NUDCD1: variants seen among roughly 807,000 people sequenced by gnomAD.
The protein encoded by NUDCD1 is nudC domain-containing protein 1.
NUDCD1 carries 60 observed loss-of-function variants against 67.8 expected under a neutral mutation model. The ratio of observed to expected loss-of-function variants is 0.88; its 90% CI spans 0.72 to 1.10. The LOEUF is 1.10. Ranked by LOEUF, NUDCD1 falls within the 50% of genes least tolerant of loss-of-function variation. The probability of loss-of-function intolerance (pLI) is 0.00; values close to 1 mark genes in which losing one functional copy is unlikely to be tolerated. For missense variants in NUDCD1, 643 were observed against 695.0 expected (o/e 0.93, Z 0.84); for synonymous variants, 244 against 230.8 (o/e 1.06, Z -0.52).
intron 8 of NUDCD1, among the ~76,000 whole-genome samples, chr8:109,259,143 G>A (rs1028029785): frequency 2.0e-5 from 3 of 152,246 alleles, no homozygotes; most frequent in African/African-American, 4.8e-5. Flanking sequence ...AGCAAATAAC[G>A]CAAATAACCT....
chr8:109,287,692 G>A (rs886329419), intron 5 of NUDCD1, among the ~76,000 whole-genome samples: 18 of 152,060 alleles, frequency 1.2e-4, no homozygotes, highest in Admixed American at 9.8e-4. Flanking sequence ...TCAGTACCTG[G>A]GTGACAGGAT....
At chr8:109,303,291 G>A (rs1815031035) in intron 2 of NUDCD1, among the ~76,000 whole-genome samples, 1 of 152,246 alleles carries the variant, frequency 6.6e-6, no homozygotes, top group East Asian at 1.9e-4. Flanking sequence ...GACTAACACT[G>A]CCCGATCGCC....
intron 2 of NUDCD1, among the ~76,000 whole-genome samples, chr8:109,317,228 T>C (rs1018077841): frequency 2.0e-5 from 3 of 152,090 alleles, no homozygotes; most frequent in Non-Finnish European, 4.4e-5. Context: ...AAAATGATAA[T>C]AGAGACCAGG....
chr8:109,287,057 T>G (rs1814591339), intron 5 of NUDCD1, among the ~76,000 whole-genome samples: 1 of 151,972 alleles, frequency 6.6e-6, no homozygotes, highest in Non-Finnish European at 1.5e-5. Context: ...ATCAGAGATT[T>G]GCACTTGCAA....
rs1023246275 is a variant in NUDCD1 at position 109,329,872 on chromosome 8, CAAT to C, written c.118+4018_118+4020del. 158 of 1,547,228 alleles carry C rather than the reference CAAT, an allele frequency of 1.0e-4. No homozygotes were observed. In the Admixed American group the frequency reaches 3.1e-3, roughly 30 times the overall value. On this transcript the variant is annotated intron_variant, in intron 1 of 9. Transcript: ENST00000239690. ...GACATGGGACCCTTCAATACAAAAT[CAAT>C]AATCTTAGCAAAGAAAACATACTGG...
In NUDCD1 at chr8:109,242,922, A is replaced by G. The variant is rs1034731949; in HGVS notation, c.*87T>C. The G allele has an allele frequency of 9.4e-5, 71 of 752,734 alleles. No homozygotes were observed. The highest frequency in any genetic ancestry group is 7.9e-4 in the African/African-American group (45 of 57,074). 46.6% of individuals were successfully genotyped at this position (752,734 alleles called of 1,614,324 possible). A position where few individuals can be genotyped will look rare whatever the true frequency, so the allele number is the denominator to read the frequency against. ...ATACAAGATATATTTAGCACATTAAAACTTAAGAGGTTACAGTATAACTGT... is the reference window on the plus strand; with the variant it reads ...ATACAAGATATATTTAGCACATTAAGACTTAAGAGGTTACAGTATAACTGT... On this transcript the variant is annotated 3_prime_UTR_variant, in exon 10 of 10. Coordinates refer to ENST00000239690, the MANE Select transcript of NUDCD1 (RefSeq NM_032869.4).
intron 9 of NUDCD1, 61 bp from the exon 10 acceptor site, chr8:109,243,362 A>T: frequency 7.6e-7 from 1 of 1,316,444 alleles, no homozygotes; most frequent in Non-Finnish European, 1.0e-6. Context: ...GGGAAAAATG[A>T]TGATTTAACA....
At chr8:109,329,726 A>G in intron 1 of NUDCD1, 1 of 1,308,806 alleles carries the variant, frequency 7.6e-7, no homozygotes, top group South Asian at 1.3e-5. Flanking sequence ...TAAGTTGTAC[A>G]TTTTAAATTT....
intron 2 of NUDCD1, chr8:109,315,647 T>A (rs761779825): frequency 7.2e-5 from 11 of 152,302 alleles, no homozygotes; most frequent in Non-Finnish European, 1.3e-4. Context: ...AATAAGGGTA[T>A]ATAAGCATCT....
intron 1 of NUDCD1, among the ~76,000 whole-genome samples, chr8:109,329,251 T>TA (rs1170067087): frequency 6.6e-6 from 1 of 152,118 alleles, no homozygotes; most frequent in Non-Finnish European, 1.5e-5. Flanking sequence ...TTCTGTGATC[T>TA]AAAAATGTGT....
At position 109,289,929 on chromosome 8, in the gene NUDCD1, A is replaced by G. The variant is rs763859888; in HGVS notation, c.645T>C (p.Asn215=). Residue 215 remains asparagine, a synonymous_variant, in exon 5 of 10, where the codon AAT becomes AAC. Coordinates refer to ENST00000239690, the MANE Select transcript of NUDCD1 (RefSeq NM_032869.4). ...WVTISKKNQD[N]KKYEIIKRDI... ...CACGCTTAATAATTTCATATTTTTT[A>G]TTATCTGTAAGAAAAGTATTTCAGA... 1.4e-6 allele frequency: 2 copies of G among 1,442,166 alleles called. No individual in the cohort carries two copies. Among genetic ancestry groups the G allele is most frequent in the South Asian group, 1.4e-5 (1 of 70,834 alleles). 89.3% of individuals were successfully genotyped at this position (1,442,166 alleles called of 1,614,324 possible).
intron 2 of NUDCD1, among the ~76,000 whole-genome samples, chr8:109,309,823 C>T (rs1177104892): frequency 6.6e-6 from 1 of 151,670 alleles, no homozygotes; most frequent in Non-Finnish European, 1.5e-5. Flanking sequence ...AGCCACCAAA[C>T]TGAGAACCAG....
chr8:109,330,469 T>G (rs1225116027), intron 1 of NUDCD1, among the ~76,000 whole-genome samples: 1 of 152,232 alleles, frequency 6.6e-6, no homozygotes, highest in Non-Finnish European at 1.5e-5. Context: ...TATGCTTCAC[T>G]ATCTCTAGAA....
intron 8 of NUDCD1, among the ~76,000 whole-genome samples, chr8:109,254,170 C>CTT (rs1813679137): frequency 1.3e-5 from 2 of 152,112 alleles, no homozygotes. Context: ...AGCTTATGAG[C>CTT]AGTGGAAACA....
At chr8:109,300,343 CAA>C (rs34987726) in intron 2 of NUDCD1, among the ~76,000 whole-genome samples, 1 of 150,714 alleles carries the variant, frequency 6.6e-6, no homozygotes, top group Non-Finnish European at 1.5e-5. Context: ...CGTAAGGAAA[CAA>C]AAAAAAATGA....
intron 8 of NUDCD1, among the ~76,000 whole-genome samples, chr8:109,254,906 T>C (rs1304714429): frequency 6.6e-6 from 1 of 152,196 alleles, no homozygotes; most frequent in Admixed American, 6.5e-5. Context: ...GAATAAATTG[T>C]AAAAATTATT....
chr8:109,275,255 T>A (rs781333720), intron 7 of NUDCD1, 97 bp downstream of exon 7: 10 of 1,202,082 alleles, frequency 8.3e-6, no homozygotes, highest in Non-Finnish European at 1.2e-5. Context: ...TCTTTTATAT[T>A]AGGAAAAGCA....
At chr8:109,317,563 T>C (rs1206849210) in intron 2 of NUDCD1, among the ~76,000 whole-genome samples, 1 of 150,048 alleles carries the variant, frequency 6.7e-6, no homozygotes, top group Non-Finnish European at 1.5e-5. Flanking sequence ...GGATCCATTG[T>C]TCTGTGGATT....
At chr8:109,331,313 G>A (rs560236778) in intron 1 of NUDCD1, among the ~76,000 whole-genome samples, 1 of 151,940 alleles carries the variant, frequency 6.6e-6, no homozygotes, top group South Asian at 2.1e-4. Flanking sequence ...CAGCCTCAAC[G>A]ACAGAGACTC....
Sources: gnomAD v4.1 joint callset for allele counts (sites outside exome capture counted in the v4.1 genomes callset) on GRCh38, gnomAD v4.1.1 for gene constraint, MANE v1.5 for transcripts, NCBI Gene and HGNC (gene_info 2026-07-23, HGNC 2026-07-21) for gene names.